ELF2: variants seen among roughly 807,000 people sequenced by gnomAD.
ELF2 encodes the protein E74 like ETS transcription factor 2, also known as ETS-related transcription factor Elf-2.
In ELF2, 11 loss-of-function variants were observed where a neutral mutation model predicts 54.8. The ratio of observed to expected loss-of-function variants is 0.20; its 90% CI spans 0.13 to 0.33. The LOEUF (loss-of-function observed/expected upper bound fraction) is 0.33. Ranked by LOEUF, ELF2 falls within the 10% of genes least tolerant of loss-of-function variation. The pLI is 1.00. For synonymous variants in ELF2, 203 were observed against 245.1 expected (o/e 0.83, Z 1.61); for missense variants, 513 against 703.0 (o/e 0.73, Z 3.06).
At chr4:139,150,569 C>T (rs1739775661) in intron 1 of ELF2, among the ~76,000 whole-genome samples, 1 of 151,054 alleles carries the variant, frequency 6.6e-6, no homozygotes, top group Non-Finnish European at 1.5e-5. Context: ...AAAAGTCAGC[C>T]AAGACCCTCC....
intron 4 of ELF2, among the ~76,000 whole-genome samples, chr4:139,119,879 T>G (rs926529899): frequency 6.6e-6 from 1 of 152,144 alleles, no homozygotes; most frequent in Non-Finnish European, 1.5e-5. Flanking sequence ...GTTCAGGCAA[T>G]TCTCTTGCCT....
In ELF2 at chr4:139,060,454, A is replaced by C. The variant is rs1202812881; in HGVS notation, c.1027T>G (p.Ser343Ala). Residue 343 changes from serine to alanine, a missense_variant, in exon 9 of 10, where the codon TCA (serine) becomes GCA (alanine). Ser to Ala is a moderately conservative substitution (Grantham distance 99). This residue lies in a region of ELF2 where 291 missense variants were observed against 366.1 expected (regional missense o/e 0.79). Transcript: ENST00000686138. The stretch of plus-strand genomic sequence containing the variant: ...GCTCTGGAGCAGTTTATAGGGGATG[A>C]ATTTTTTCCACTGCGAACAGAGGAT... Reference protein sequence around the residue: ...AASSVRSGKNSSPINCSRAEK... With the variant: ...AASSVRSGKNASPINCSRAEK... 2 of 1,614,066 alleles carry C rather than the reference A, an allele frequency of 1.2e-6. No individual in the cohort carries two copies. The highest frequency in any genetic ancestry group is 2.7e-5 in the African/African-American group (2 of 74,918).
rs79603744 is a variant in ELF2, at chr4:139,171,990, T to C, written c.-252+4977A>G. Among the ~76,000 whole-genome samples, 1,443 of 152,296 alleles carry C rather than the reference T, an allele frequency of 9.5e-3. 22 individuals carry two copies. Among genetic ancestry groups the C allele is most frequent in the African/African-American group, 0.033 (1,384 of 41,542 alleles). On this transcript the variant is annotated intron_variant, in intron 1 of 9. Transcript: ENST00000686138. ...ATACAATAATAAGTGTTGGCAAAGATGTGAAGAAAACTAGAACTCTCAAAC... is the reference window on the plus strand; with the variant it reads ...ATACAATAATAAGTGTTGGCAAAGACGTGAAGAAAACTAGAACTCTCAAAC...
chr4:139,121,700 C>T (rs1465638280), intron 4 of ELF2, among the ~76,000 whole-genome samples: 1 of 152,086 alleles, frequency 6.6e-6, no homozygotes, highest in African/African-American at 2.4e-5. Flanking sequence ...GTCAAGACCA[C>T]CCTTCACCTA....
intron 4 of ELF2, among the ~76,000 whole-genome samples, chr4:139,118,107 A>G (rs909941567): frequency 1.3e-5 from 2 of 152,162 alleles, no homozygotes; most frequent in African/African-American, 4.8e-5. Context: ...TTCCATTTGT[A>G]TTTTCCAGCT....
chr4:139,068,937 G>A (rs1344941548), intron 6 of ELF2, among the ~76,000 whole-genome samples: 2 of 151,758 alleles, frequency 1.3e-5, no homozygotes, highest in African/African-American at 2.4e-5. Context: ...GGAGCGCAGT[G>A]ACGCGAACAC....
chr4:139,103,632 C>A (rs1734135292), intron 4 of ELF2, among the ~76,000 whole-genome samples: 1 of 152,208 alleles, frequency 6.6e-6, no homozygotes, highest in Admixed American at 6.5e-5. Flanking sequence ...TCATCTGTAT[C>A]CTTTAAATAT....
chr4:139,079,986 T>A (rs891740366), intron 4 of ELF2, among the ~76,000 whole-genome samples: 3 of 152,170 alleles, frequency 2.0e-5, no homozygotes, highest in Non-Finnish European at 2.9e-5. Flanking sequence ...AGATAAATGG[T>A]TTTTAAAAAG....
At chr4:139,059,662 G>C in intron 9 of ELF2, 55 bp from the exon 10 acceptor site, 1 of 1,550,786 alleles carries the variant, frequency 6.4e-7, no homozygotes, top group East Asian at 2.3e-5. Context: ...TGAGAAAATA[G>C]GTCTCCTGAG....
In ELF2 at chr4:139,077,788, A is replaced by G. The variant is rs544296672; in HGVS notation, c.239-4221T>C. ...AAGCAAGCTACAAGCAAGAGCTGAA[A>G]AGTAGAATTCCTTATCTTACTTAAA... On this transcript the variant is annotated intron_variant, in intron 4 of 9. Transcript: ENST00000686138. 1.3e-3 allele frequency among the ~76,000 whole-genome samples: 199 copies of G among 152,340 alleles called. 1 individual carries two copies. Among genetic ancestry groups the G allele is most frequent in the Middle Eastern group, 6.8e-3 (2 of 294 alleles).
intron 1 of ELF2, among the ~76,000 whole-genome samples, chr4:139,174,243 T>TA (rs1286472936): frequency 2.8e-4 from 41 of 144,682 alleles, no homozygotes; most frequent in African/African-American, 6.9e-4. Context: ...AAATAGATTT[T>TA]AAAAAAAAAA....
rs184475347 is a variant in ELF2, at chr4:139,099,719, T to C, written c.238+25445A>G. On this transcript the variant is annotated intron_variant, in intron 4 of 9. Coordinates refer to ENST00000686138, the MANE Select transcript of ELF2 (RefSeq NM_001331036.3). ...AACCTCACATTAATGCCAGATTTTA[T>C]GTGATTTGAACTTCTTGGAAGGTAT... 2.9e-3 allele frequency among the ~76,000 whole-genome samples: 447 copies of C among 152,324 alleles called. 1 individual carries two copies. The highest frequency in any genetic ancestry group is 4.6e-3 in the Non-Finnish European group (316 of 68,026).
At chr4:139,085,687 T>G (rs1731905363) in intron 4 of ELF2, among the ~76,000 whole-genome samples, 1 of 152,228 alleles carries the variant, frequency 6.6e-6, no homozygotes. Context: ...CAACTCCTCT[T>G]TAAATAAGGA....
intron 7 of ELF2, among the ~76,000 whole-genome samples, chr4:139,064,138 A>C (rs372006527): frequency 2.6e-5 from 4 of 152,046 alleles, no homozygotes; most frequent in South Asian, 2.1e-4. Flanking sequence ...GTAAAACCCT[A>C]TCTCTACAAA....
At chr4:139,146,163 T>C (rs1739203884) in intron 1 of ELF2, among the ~76,000 whole-genome samples, 1 of 152,204 alleles carries the variant, frequency 6.6e-6, no homozygotes, top group Admixed American at 6.5e-5. Flanking sequence ...ATTTGATAAG[T>C]GAATTTAGTA....
At chr4:139,118,531 C>T (rs1735983152) in intron 4 of ELF2, among the ~76,000 whole-genome samples, 1 of 152,120 alleles carries the variant, frequency 6.6e-6, no homozygotes, top group African/African-American at 2.4e-5. Context: ...AGGATTACTT[C>T]TGGATGATTC....
At chr4:139,091,436 TA>T (rs1349024272) in intron 4 of ELF2, among the ~76,000 whole-genome samples, 1 of 151,972 alleles carries the variant, frequency 6.6e-6, no homozygotes, top group Non-Finnish European at 1.5e-5. Flanking sequence ...ATAGCAAACC[TA>T]AAGAAACTAG....
intron 6 of ELF2, among the ~76,000 whole-genome samples, chr4:139,068,485 A>C (rs1025017367): frequency 1.3e-5 from 2 of 152,212 alleles, no homozygotes; most frequent in African/African-American, 4.8e-5. Flanking sequence ...AAAAATATCA[A>C]ACACTCTCTA....
chr4:139,115,441 G>A (rs1269320272), intron 4 of ELF2: 13 of 979,242 alleles, frequency 1.3e-5, no homozygotes, highest in African/African-American at 3.5e-5. Context: ...GGACGCCCCC[G>A]GCTGGCTGGG....
Sources: allele counts gnomAD v4.1 joint callset (sites outside exome capture counted in the v4.1 genomes callset), GRCh38; gene constraint gnomAD v4.1.1; regional missense constraint gnomAD v4.1.1; transcripts MANE v1.5; gene names NCBI Gene and HGNC (gene_info 2026-07-23, HGNC 2026-07-21).